RELN: variants seen among roughly 807,000 people sequenced by gnomAD.
The protein encoded by RELN is reelin.
RELN carries 108 observed loss-of-function variants against 427.6 expected under a neutral mutation model. The observed-to-expected ratio is 0.25, with a 90% CI of 0.22 to 0.30. RELN has a LOEUF of 0.30. RELN is among the 10% of genes least tolerant of loss of function. The pLI is 1.00. For missense variants in RELN, 3,715 were observed against 4,302.8 expected, an observed-to-expected ratio of 0.86 and a Z score of 3.82; for synonymous variants, 1,524 against 1,513.4, an observed-to-expected ratio of 1.01 and a Z score of -0.16.
Position 103,636,249 on chromosome 7 carries a change from G to A in RELN, c.2289C>T (p.Asp763=), listed in dbSNP as rs1832576995. 6.2e-7 allele frequency: 1 copy of A among 1,612,766 alleles called. No homozygotes were observed. Among genetic ancestry groups the A allele is most frequent in the Non-Finnish European group, 8.5e-7 (1 of 1,178,960 alleles). The change falls in exon 18 of 65, where the codon GAC becomes GAT. Residue 763 remains aspartate, a synonymous_variant. Transcript: ENST00000428762. ...GRRQLITSFL[D]SSQSRFLQFT... ...CCTTCACTCACCTGGATTGTGAGCT[G>A]TCAAGGAAAGATGTAATTAGCTGAC...
At chr7:103,517,662 G>A (rs1829599496) in intron 49 of RELN, among the ~76,000 whole-genome samples, 2 of 152,230 alleles carry the variant, frequency 1.3e-5, no homozygotes, top group African/African-American at 2.4e-5. Flanking sequence ...CCTACTAACA[G>A]TTGAGCACAG....
intron 6 of RELN, among the ~76,000 whole-genome samples, chr7:103,748,294 A>G (rs147947525): frequency 1.0e-3 from 154 of 152,160 alleles, no homozygotes; most frequent in African/African-American, 3.6e-3. Context: ...TAGCCTGATA[A>G]TATTTTTTTC....
At chr7:103,507,128 A>G (rs1292073802) in intron 51 of RELN, among the ~76,000 whole-genome samples, 1 of 128,006 alleles carries the variant, frequency 7.8e-6, no homozygotes, top group Non-Finnish European at 1.7e-5. Context: ...TCAACGAGAC[A>G]GAAAATTAAC....
chr7:103,539,355 A>T (rs768427960), intron 44 of RELN, 28 bp from the exon 45 acceptor site: 11 of 1,608,242 alleles, frequency 6.8e-6, no homozygotes, highest in African/African-American at 1.3e-5. Flanking sequence ...AAAATCCCAA[A>T]TTTTCCATTT....
rs757769185 is a variant in RELN at position 103,557,085 on chromosome 7, C to T, written c.5689G>A (p.Glu1897Lys). 6.2e-7 allele frequency: 1 copy of T among 1,613,606 alleles called. No homozygotes were observed. Among genetic ancestry groups the T allele is most frequent in the East Asian group, 2.2e-5 (1 of 44,880 alleles). ...SGGITWHLMD[E>K]FYFPQTTNIL... ...TTCGTTGTTTGAGGAAAGTAAAATT[C>T]ATCCATCAGGTGCCAAGTGATTCCT... The change falls in exon 38 of 65, where the codon GAA becomes AAA. Residue 1897 changes from glutamate to lysine, a missense_variant. By Grantham distance (56) the Glu-to-Lys change is moderately conservative. Coordinates refer to ENST00000428762, the MANE Select transcript of RELN (RefSeq NM_005045.4).
At chr7:103,535,265 TG>T in intron 46 of RELN, 50 bp downstream of exon 46, 1 of 1,557,058 alleles carries the variant, frequency 6.4e-7, no homozygotes. Context: ...TTATCACATT[TG>T]GGCTCACTAT....
chr7:103,474,484 C>T (rs1338395611), intron 64 of RELN, among the ~76,000 whole-genome samples: 1 of 152,158 alleles, frequency 6.6e-6, no homozygotes, highest in African/African-American at 2.4e-5. Flanking sequence ...CTCCCATCCC[C>T]TCCATGTGAC....
chr7:103,744,171 A>G (rs918737977), intron 6 of RELN, among the ~76,000 whole-genome samples: 9 of 152,240 alleles, frequency 5.9e-5, no homozygotes, highest in African/African-American at 2.2e-4. Flanking sequence ...CTACTGGGTA[A>G]ATAATGAAAT....
At position 103,640,404 on chromosome 7, in the gene RELN, TAA is replaced by T; in HGVS notation, c.2069+137_2069+138del. 1.3e-6 allele frequency: 1 copy of T among 783,478 alleles called. No individual in the cohort carries two copies. The allele number at this position is 783,478 out of a possible 1,614,324, so 48.5% of individuals were successfully genotyped here. ...CTTAAAAATACATTTGAATTACACT[TAA>T]GTTCTAATAGAAATATCCAACTTTT... On this transcript the variant is annotated intron_variant, in intron 17 of 64. Coordinates refer to ENST00000428762, the MANE Select transcript of RELN (RefSeq NM_005045.4). This position sits in a 1 kb window ranked among gnomAD's most constrained non-coding sequence, Gnocchi z 4.1.
intron 57 of RELN, among the ~76,000 whole-genome samples, chr7:103,495,117 T>G (rs79974700): frequency 1.6e-3 from 243 of 151,980 alleles, no homozygotes; most frequent in African/African-American, 5.7e-3. Flanking sequence ...ATATATTCAG[T>G]TGGTGTAAAA....
intron 46 of RELN, among the ~76,000 whole-genome samples, chr7:103,533,741 AAGATG>A (rs1829990698): frequency 6.9e-6 from 1 of 145,754 alleles, no homozygotes; most frequent in Non-Finnish European, 1.5e-5. Context: ...GATAGATTAA[AAGATG>A]AGAAATAATT....
At chr7:103,581,872 A>G (rs1204048365) in intron 28 of RELN, among the ~76,000 whole-genome samples, 1 of 152,054 alleles carries the variant, frequency 6.6e-6, no homozygotes, top group African/African-American at 2.4e-5. Context: ...CAACTCATCA[A>G]CTGAGTGCAA....
intron 3 of RELN, among the ~76,000 whole-genome samples, chr7:103,794,953 T>G (rs1792263784): frequency 6.6e-6 from 1 of 152,346 alleles, no homozygotes; most frequent in South Asian, 2.1e-4. Context: ...ACATCGTGCT[T>G]ACCATACTGA....
intron 6 of RELN, among the ~76,000 whole-genome samples, chr7:103,737,477 G>A (rs956700868): frequency 6.6e-6 from 1 of 152,098 alleles, no homozygotes; most frequent in Non-Finnish European, 1.5e-5. Context: ...ATGGCATGGG[G>A]GTTGTCCAAG....
chr7:103,970,145 C>G (rs886604316), intron 1 of RELN, among the ~76,000 whole-genome samples: 1 of 150,516 alleles, frequency 6.6e-6, no homozygotes, highest in African/African-American at 2.4e-5. Context: ...TTCTTTTTTT[C>G]CTTTTTTTTT....
chr7:103,872,030 A>ATATTT lies in RELN; in HGVS notation c.338-38359_338-38358insAAATA, dbSNP rs773045936. ...AGTATATGAATATATATATATATATATTTTTCTTTTTTCTTTTTTTTCTTT... is the reference window on the plus strand; with the variant it reads ...AGTATATGAATATATATATATATATATATTTTTTTTCTTTTTTCTTTTTTTTCTTT... On this transcript the variant is annotated intron_variant, in intron 2 of 64. Transcript: ENST00000428762. Among the ~76,000 whole-genome samples, 49 of 138,446 alleles carry ATATTT rather than the reference A, an allele frequency of 3.5e-4. 1 individual carries two copies. The highest frequency in any genetic ancestry group is 3.7e-3 in the Middle Eastern group (1 of 268). The allele number at this position is 138,446 out of a possible 152,430, so 90.8% of individuals were successfully genotyped here.
chr7:103,486,544 A>G, intron 60 of RELN, 128 bp from the exon 61 acceptor site: 1 of 746,338 alleles, frequency 1.3e-6, no homozygotes. Flanking sequence ...AGGAACTTAA[A>G]CAACTTTACA....
intron 7 of RELN, among the ~76,000 whole-genome samples, chr7:103,726,706 G>C (rs545980714): frequency 1.1e-4 from 16 of 152,004 alleles, no homozygotes; most frequent in African/African-American, 3.4e-4. Flanking sequence ...TACTAAATGA[G>C]ACACCTTCTA....
chr7:103,915,501 G>A (rs764972842), intron 2 of RELN, among the ~76,000 whole-genome samples: 1 of 152,094 alleles, frequency 6.6e-6, no homozygotes, highest in Non-Finnish European at 1.5e-5. Flanking sequence ...CCCACCACTA[G>A]AATTTCTGAT....
Sources: allele counts gnomAD v4.1 joint callset (sites outside exome capture counted in the v4.1 genomes callset), GRCh38; gene constraint gnomAD v4.1.1; non-coding constraint Gnocchi (gnomAD v3.1); transcripts MANE v1.5; gene names NCBI Gene and HGNC (gene_info 2026-07-23, HGNC 2026-07-21).